TENM3: variants seen among roughly 807,000 people sequenced by gnomAD.
TENM3 encodes the protein teneurin transmembrane protein 3, also known as teneurin-3.
Under a neutral mutation model 255.1 loss-of-function variants are expected in TENM3, and 63 were observed. That is an observed-to-expected ratio of 0.25 (90% CI 0.20 to 0.30). The LOEUF (loss-of-function observed/expected upper bound fraction) is 0.30, where lower values mean the gene tolerates loss of function less well. TENM3 is among the 10% of genes least tolerant of loss of function. The pLI is 1.00. For synonymous variants in TENM3, 1,306 were observed against 1,322.3 expected, an observed-to-expected ratio of 0.99 and a Z score of 0.27; for missense variants, 2,929 against 3,461.1, an observed-to-expected ratio of 0.85 and a Z score of 3.86.
the TENM3 span, among the ~76,000 whole-genome samples, chr4:181,751,373 G>A: frequency 2.9e-5 from 4 of 138,168 alleles, no homozygotes; most frequent in South Asian, 2.5e-4. Context: ...AGTTAGAATC[G>A]TTTTTAAAAT....
At chr4:182,093,259 G>A in the TENM3 span, among the ~76,000 whole-genome samples, 1 of 152,084 alleles carries the variant, frequency 6.6e-6, no homozygotes, top group Non-Finnish European at 1.5e-5. Flanking sequence ...TGGACTTGTG[G>A]GACAATTGAA....
chr4:182,419,820 T>C (rs184967459), intron 3 of TENM3, among the ~76,000 whole-genome samples: 15 of 136,786 alleles, frequency 1.1e-4, no homozygotes, highest in African/African-American at 4.2e-4. Flanking sequence ...AACTGAACAA[T>C]GAGAACACTT....
chr4:182,382,764 A>G (rs1354192300), intron 3 of TENM3, among the ~76,000 whole-genome samples: 2 of 152,142 alleles, frequency 1.3e-5, no homozygotes, highest in African/African-American at 4.8e-5. Context: ...AATTCCTGTG[A>G]TCTTTAAAAA....
chr4:181,929,949 G>T, the TENM3 span, among the ~76,000 whole-genome samples: 1 of 152,076 alleles, frequency 6.6e-6, no homozygotes, highest in African/African-American at 2.4e-5. Flanking sequence ...ACAAAATTAA[G>T]GCAGAAATAA....
the TENM3 span, among the ~76,000 whole-genome samples, chr4:181,591,381 T>C: frequency 6.6e-6 from 1 of 152,232 alleles, no homozygotes; most frequent in Non-Finnish European, 1.5e-5. Context: ...AGGAATTTAC[T>C]TCAAAAAAAT....
intron 6 of TENM3, among the ~76,000 whole-genome samples, chr4:182,654,673 C>T (rs1333393117): frequency 6.6e-6 from 1 of 152,104 alleles, no homozygotes; most frequent in Admixed American, 6.6e-5. Context: ...TCCCCTAACT[C>T]GTCTTCCTCT....
At chr4:181,665,828 G>T in the TENM3 span, among the ~76,000 whole-genome samples, 1 of 151,866 alleles carries the variant, frequency 6.6e-6, no homozygotes, top group Non-Finnish European at 1.5e-5. Context: ...AGAAAGAAAA[G>T]AAGTGAAAAT....
At chr4:181,821,046 T>C in the TENM3 span, among the ~76,000 whole-genome samples, 16 of 152,292 alleles carry the variant, frequency 1.1e-4, no homozygotes, top group Admixed American at 9.2e-4. Flanking sequence ...TGGAATATTC[T>C]CTGAGGAATT....
intron 3 of TENM3, among the ~76,000 whole-genome samples, chr4:182,598,889 T>C (rs1469677065): frequency 6.6e-6 from 1 of 152,228 alleles, no homozygotes; most frequent in Non-Finnish European, 1.5e-5. Flanking sequence ...TTACTATGAC[T>C]TGTAATATTC....
chr4:182,091,184 C>T, the TENM3 span, among the ~76,000 whole-genome samples: 2 of 152,344 alleles, frequency 1.3e-5, no homozygotes, highest in Non-Finnish European at 2.9e-5. Context: ...TTAGAGCCAA[C>T]AGGCTGATGT....
the TENM3 span, chr4:181,874,535 T>C: frequency 6.6e-6 from 1 of 152,250 alleles, no homozygotes; most frequent in Non-Finnish European, 1.5e-5. Context: ...TGGCTTCAAC[T>C]TCTCTCCATC....
the TENM3 span, among the ~76,000 whole-genome samples, chr4:181,929,197 A>G: frequency 3.3e-5 from 5 of 152,202 alleles, no homozygotes; most frequent in Non-Finnish European, 7.3e-5. Context: ...TTAAATGTAA[A>G]TGGGCTAAAT....
At chr4:182,582,541 G>A (rs1319727765) in intron 3 of TENM3, among the ~76,000 whole-genome samples, 2 of 151,914 alleles carry the variant, frequency 1.3e-5, no homozygotes, top group Non-Finnish European at 2.9e-5. Flanking sequence ...ATATAGTTAC[G>A]TTGAACCTAG....
At chr4:181,578,583 G>A in the TENM3 span, among the ~76,000 whole-genome samples, 1 of 152,196 alleles carries the variant, frequency 6.6e-6, no homozygotes, top group African/African-American at 2.4e-5. Flanking sequence ...GACCAGGGAT[G>A]TCACCTCCTG....
At chr4:182,493,164 T>G (rs1735461232) in intron 3 of TENM3, among the ~76,000 whole-genome samples, 1 of 152,098 alleles carries the variant, frequency 6.6e-6, no homozygotes, top group South Asian at 2.1e-4. Flanking sequence ...CCTTCTTTTG[T>G]GTGAGCTTTG....
At chr4:181,787,895 G>A in the TENM3 span, among the ~76,000 whole-genome samples, 1 of 152,106 alleles carries the variant, frequency 6.6e-6, no homozygotes, top group African/African-American at 2.4e-5. Flanking sequence ...GCACAACTCA[G>A]GAGACTGAGG....
chr4:182,727,585 A>G (rs1274436272), intron 13 of TENM3, among the ~76,000 whole-genome samples: 1 of 152,196 alleles, frequency 6.6e-6, no homozygotes, highest in Non-Finnish European at 1.5e-5. Context: ...TTTAAACAGG[A>G]TACTTGCATG....
the TENM3 span, among the ~76,000 whole-genome samples, chr4:181,486,020 A>C: frequency 6.6e-6 from 1 of 152,134 alleles, no homozygotes; most frequent in Non-Finnish European, 1.5e-5. Context: ...CTTGAGAGAA[A>C]AAAAAAACCT....
the TENM3 span, among the ~76,000 whole-genome samples, chr4:181,515,863 A>G: frequency 3.9e-5 from 6 of 152,198 alleles, 1 homozygote; most frequent in Admixed American, 1.3e-4. Context: ...CCAAAGGAAT[A>G]TAAATCATTC....
Sources: gnomAD v4.1 joint callset for allele counts (sites outside exome capture counted in the v4.1 genomes callset) on GRCh38, gnomAD v4.1.1 for gene constraint, MANE v1.5 for transcripts, NCBI Gene and HGNC (gene_info 2026-07-23, HGNC 2026-07-21) for gene names.